Variants in PDE4D observed in about 807,000 individuals in gnomAD.
PDE4D encodes 3',5'-cyclic-AMP phosphodiesterase 4D.
In PDE4D, 24 loss-of-function variants were observed where a neutral mutation model predicts 87.4. That is an observed-to-expected ratio of 0.27 (90% confidence interval 0.20 to 0.39). The LOEUF (loss-of-function observed/expected upper bound fraction) is 0.39, where lower values mean the gene tolerates loss of function less well. Ranked by LOEUF, PDE4D falls within the 10% of genes least tolerant of loss-of-function variation. The pLI is 1.00. For synonymous variants in PDE4D, 384 were observed against 383.2 expected, an observed-to-expected ratio of 1.00 and a Z score of -0.02; for missense variants, 714 against 1,041.0, an observed-to-expected ratio of 0.69 and a Z score of 4.32.
At chr5:59,971,426 G>T (rs962438709) in intron 3 of PDE4D, among the ~76,000 whole-genome samples, 2 of 152,002 alleles carry the variant, frequency 1.3e-5, no homozygotes, top group Non-Finnish European at 1.5e-5. Flanking sequence ...GGAAGAGACA[G>T]AGAGAGAAAT....
chr5:59,238,950 T>C (rs532555994), intron 1 of PDE4D, among the ~76,000 whole-genome samples: 1 of 152,306 alleles, frequency 6.6e-6, no homozygotes, highest in East Asian at 1.9e-4. Context: ...AACGTTAAGA[T>C]GATCTCAGAA....
At chr5:59,884,515 C>A (rs186498424) in intron 1 of PDE4D, among the ~76,000 whole-genome samples, 2 of 152,048 alleles carry the variant, frequency 1.3e-5, no homozygotes, top group African/African-American at 4.8e-5. Flanking sequence ...GATCTCAATA[C>A]AGATATATCA....
chr5:59,435,366 C>T (rs1796655281), intron 1 of PDE4D, among the ~76,000 whole-genome samples: 1 of 152,182 alleles, frequency 6.6e-6, no homozygotes, highest in Non-Finnish European at 1.5e-5. Context: ...CTCCCTTCCT[C>T]TCCTGTATCA....
At chr5:59,312,798 G>T (rs1335105583) in intron 1 of PDE4D, among the ~76,000 whole-genome samples, 1 of 152,158 alleles carries the variant, frequency 6.6e-6, no homozygotes, top group Non-Finnish European at 1.5e-5. Context: ...AAGGAGAAAT[G>T]CAGGGACAAG....
chr5:59,819,474 T>C (rs1265735397), intron 1 of PDE4D, among the ~76,000 whole-genome samples: 3 of 152,232 alleles, frequency 2.0e-5, no homozygotes, highest in African/African-American at 7.2e-5. Context: ...CACCACAGCA[T>C]TGCCCATCAA....
intron 2 of PDE4D, among the ~76,000 whole-genome samples, chr5:60,050,570 A>T (rs1356124424): frequency 6.6e-6 from 1 of 152,252 alleles, no homozygotes; most frequent in African/African-American, 2.4e-5. Context: ...GGTAACAGCC[A>T]CTGCAAAAAC....
intron 1 of PDE4D, among the ~76,000 whole-genome samples, chr5:60,401,476 C>T (rs918592): frequency 0.36 from 54,753 of 152,092 alleles, 12,418 homozygotes; most frequent in African/African-American, 0.63. Context: ...GGAGTGTGCA[C>T]ACCCTCCTGC....
intron 3 of PDE4D, among the ~76,000 whole-genome samples, chr5:59,949,070 T>C (rs887180175): frequency 1.3e-5 from 2 of 152,184 alleles, no homozygotes; most frequent in Non-Finnish European, 1.5e-5. Context: ...GTTAAGGCAG[T>C]GTCAGAATGA....
intron 1 of PDE4D, among the ~76,000 whole-genome samples, chr5:59,678,171 A>G (rs1400275454): frequency 6.6e-6 from 1 of 152,228 alleles, no homozygotes; most frequent in Non-Finnish European, 1.5e-5. Context: ...CTTTCAAGAA[A>G]TGAGCAATGT....
At chr5:60,126,769 A>G (rs537062322) in intron 2 of PDE4D, among the ~76,000 whole-genome samples, 2 of 152,340 alleles carry the variant, frequency 1.3e-5, no homozygotes, top group African/African-American at 4.8e-5. Flanking sequence ...CTTAAGATTA[A>G]AAAACGAGGA....
intron 1 of PDE4D, among the ~76,000 whole-genome samples, chr5:60,507,350 C>T (rs569654300): frequency 7.9e-5 from 12 of 152,336 alleles, no homozygotes; most frequent in Admixed American, 2.6e-4. Context: ...GCTGGGATTA[C>T]AGGCTTGAGC....
Position 59,347,659 on chromosome 5 carries a change from T to C in PDE4D, c.456-131691A>G, listed in dbSNP as rs149503366. Among the ~76,000 whole-genome samples, 145 of 152,270 alleles carry C rather than the reference T, an allele frequency of 9.5e-4. 1 individual carries two copies. The Middle Eastern group carries it at 0.01, about 11-fold the overall frequency. On this transcript the variant is annotated intron_variant, in intron 1 of 14. Transcript: ENST00000340635. ...AAAGTTTTGAGATAGTGTGAAACAA[T>C]GTAATAGAAAGTATATTGTAAACTG...
At chr5:59,233,013 T>A (rs1482872106) in intron 1 of PDE4D, among the ~76,000 whole-genome samples, 1 of 151,946 alleles carries the variant, frequency 6.6e-6, no homozygotes, top group Non-Finnish European at 1.5e-5. Context: ...GGTAATAGAA[T>A]GATAGCTACC....
intron 1 of PDE4D, among the ~76,000 whole-genome samples, chr5:60,353,745 A>G (rs1759382638): frequency 6.6e-6 from 1 of 152,198 alleles, no homozygotes; most frequent in South Asian, 2.1e-4. Flanking sequence ...AGAATAGTTT[A>G]CTTTTAATGT....
chr5:59,509,079 TAC>T (rs1809804105), intron 1 of PDE4D, among the ~76,000 whole-genome samples: 1 of 151,998 alleles, frequency 6.6e-6, no homozygotes, highest in Non-Finnish European at 1.5e-5. Flanking sequence ...GGAATACCAA[TAC>T]ATTTTAAGTA....
intron 1 of PDE4D, among the ~76,000 whole-genome samples, chr5:59,402,876 A>G (rs750871078): frequency 5.3e-5 from 8 of 152,010 alleles, no homozygotes; most frequent in Non-Finnish European, 1.0e-4. Flanking sequence ...CCCTCTTTCT[A>G]TCCTCCCATT....
chr5:58,970,865 A>G lies in PDE4D; in HGVS notation c.*3799T>C, dbSNP rs1742486181. 1 of 151,974 alleles carries G rather than the reference A, an allele frequency of 6.6e-6. No individual in the cohort carries two copies. Among genetic ancestry groups the G allele is most frequent in the African/African-American group, 2.4e-5 (1 of 41,370 alleles). The allele number at this position is 151,974 out of a possible 1,614,324, so 9.4% of individuals were successfully genotyped here. A position where few individuals can be genotyped will look rare whatever the true frequency, so the allele number is the denominator to read the frequency against. ...TAAAAAAAAGAAAAAGATTGTTTATAATCACTGGGAAAGAATATATTTCCC... is the reference window on the plus strand; with the variant it reads ...TAAAAAAAAGAAAAAGATTGTTTATGATCACTGGGAAAGAATATATTTCCC... On this transcript the variant is annotated 3_prime_UTR_variant, in exon 15 of 15. Coordinates refer to ENST00000340635, the MANE Select transcript of PDE4D (RefSeq NM_001104631.2).
chr5:60,282,332 A>G (rs1045083574), intron 1 of PDE4D, among the ~76,000 whole-genome samples: 9 of 151,698 alleles, frequency 5.9e-5, no homozygotes, highest in Admixed American at 2.0e-4. Flanking sequence ...CATTTGATCA[A>G]TGAAGATTGA....
chr5:59,816,990 T>C (rs1361461704), intron 1 of PDE4D, among the ~76,000 whole-genome samples: 1 of 152,156 alleles, frequency 6.6e-6, no homozygotes, highest in Non-Finnish European at 1.5e-5. Flanking sequence ...TGGAGGGCAG[T>C]GTCCTCTCAC....
Sources: gnomAD v4.1 joint callset for allele counts (sites outside exome capture counted in the v4.1 genomes callset) on GRCh38, gnomAD v4.1.1 for gene constraint, MANE v1.5 for transcripts, NCBI Gene and HGNC (gene_info 2026-07-23, HGNC 2026-07-21) for gene names.